Variants in GPHN observed in about 807,000 individuals in gnomAD.
The protein encoded by GPHN is gephyrin.
GPHN carries 17 observed loss-of-function variants against 95.5 expected under a neutral mutation model. That is an observed-to-expected ratio of 0.18 (90% CI 0.12 to 0.27). GPHN has a LOEUF of 0.27. GPHN is among the 10% of genes least tolerant of loss of function. GPHN has a pLI of 1.00. For missense variants in GPHN, 660 were observed against 978.1 expected (o/e 0.67, Z 4.34); for synonymous variants, 320 against 322.5 (o/e 0.99, Z 0.08).
At chr14:67,338,958 T>G in the GPHN span, among the ~76,000 whole-genome samples, 1 of 151,920 alleles carries the variant, frequency 6.6e-6, no homozygotes, top group Non-Finnish European at 1.5e-5. Context: ...TACATAATTT[T>G]AAGCTAATAA....
chr14:67,690,448 A>C, the GPHN span: 1 of 1,596,716 alleles, frequency 6.3e-7, no homozygotes, highest in Non-Finnish European at 8.6e-7. Flanking sequence ...GAATTAATGA[A>C]GTTCAGGGCC....
intron 1 of GPHN, among the ~76,000 whole-genome samples, chr14:66,678,765 T>A (rs2066765058): frequency 6.6e-6 from 1 of 152,184 alleles, no homozygotes; most frequent in African/African-American, 2.4e-5. Flanking sequence ...ATAGTGTCAT[T>A]TGGGTAGAGT....
At chr14:67,460,392 T>C in the GPHN span, among the ~76,000 whole-genome samples, 2 of 152,130 alleles carry the variant, frequency 1.3e-5, no homozygotes, top group Non-Finnish European at 2.9e-5. Context: ...TCTTGCCAGG[T>C]AAGGCTGTAA....
chr14:66,685,418 T>C (rs1276329633), intron 2 of GPHN, among the ~76,000 whole-genome samples: 1 of 152,166 alleles, frequency 6.6e-6, no homozygotes, highest in Non-Finnish European at 1.5e-5. Context: ...ACCTGTTATT[T>C]CCTGACTTTT....
At chr14:66,947,375 A>G (rs2067824106) in intron 8 of GPHN, among the ~76,000 whole-genome samples, 2 of 152,186 alleles carry the variant, frequency 1.3e-5, no homozygotes, top group Admixed American at 1.3e-4. Context: ...TTTCCTTTAT[A>G]GCACTTATAG....
Position 66,825,188 on chromosome 14 carries a change from T to C in GPHN, c.294+622T>C, listed in dbSNP as rs115783138. On this transcript the variant is annotated intron_variant, in intron 4 of 22. Coordinates refer to ENST00000478722, the MANE Select transcript of GPHN (RefSeq NM_020806.5). ...CACTATTAACTAATATGGGGGGGGA[T>C]GTATTTTTTCTTTAAGGAAGCCATA... Among the ~76,000 whole-genome samples the C allele has an allele frequency of 6.3e-3, 962 of 152,098 alleles. 12 individuals are homozygous for C. The highest frequency in any genetic ancestry group is 0.022 in the African/African-American group (910 of 41,500).
the GPHN span, chr14:67,690,521 A>G: frequency 2.1e-6 from 2 of 954,640 alleles, no homozygotes; most frequent in Non-Finnish European, 3.2e-6. Context: ...TAATTCAGAA[A>G]TAAGGTCTTT....
the GPHN span, chr14:67,223,748 C>T: frequency 3.0e-6 from 3 of 984,526 alleles, no homozygotes; most frequent in African/African-American, 5.2e-5. Flanking sequence ...TTTTTTCTTA[C>T]TTAGGCTTGT....
At chr14:67,339,927 C>G in the GPHN span, 1 of 152,176 alleles carries the variant, frequency 6.6e-6, no homozygotes, top group Non-Finnish European at 1.5e-5. Flanking sequence ...TGGTGAAACA[C>G]CATCTCTACT....
the GPHN span, chr14:67,648,684 A>G: frequency 6.6e-6 from 1 of 152,380 alleles, no homozygotes; most frequent in African/African-American, 2.4e-5. Context: ...AGGGGGATAC[A>G]GTTAGATGAG....
the GPHN span, among the ~76,000 whole-genome samples, chr14:67,281,360 TTTAA>T: frequency 6.6e-6 from 1 of 152,214 alleles, no homozygotes; most frequent in South Asian, 2.1e-4. Flanking sequence ...CTTCAGACAT[TTTAA>T]TTACAGTGAA....
the GPHN span, among the ~76,000 whole-genome samples, chr14:67,232,303 G>A: frequency 6.6e-6 from 1 of 152,252 alleles, no homozygotes; most frequent in Non-Finnish European, 1.5e-5. Context: ...TGTTCCTTAC[G>A]ACAAGAAACA....
At chr14:66,693,591 G>C (rs2067924357) in intron 2 of GPHN, among the ~76,000 whole-genome samples, 1 of 152,164 alleles carries the variant, frequency 6.6e-6, no homozygotes, top group African/African-American at 2.4e-5. Flanking sequence ...CTCCAGAAGA[G>C]AGAGGAAATA....
chr14:67,323,261 G>GTGTGTATATA, the GPHN span, among the ~76,000 whole-genome samples: 711 of 124,156 alleles, frequency 5.7e-3, 10 homozygotes, highest in African/African-American at 0.018. Context: ...GTGTGTGTGT[G>GTGTGTATATA]TATATATATA....
the GPHN span, among the ~76,000 whole-genome samples, chr14:67,527,978 A>G: frequency 4.6e-5 from 7 of 151,530 alleles, no homozygotes; most frequent in South Asian, 1.5e-3. Context: ...TGAGCCACCT[A>G]CTCCTCCACG....
At chr14:67,042,051 T>A (rs897233206) in intron 10 of GPHN, among the ~76,000 whole-genome samples, 4 of 152,090 alleles carry the variant, frequency 2.6e-5, no homozygotes, top group Non-Finnish European at 5.9e-5. Context: ...CTTTGCCCAT[T>A]TTTTGATGGG....
At chr14:67,390,626 A>T in the GPHN span, 1 of 1,442,104 alleles carries the variant, frequency 6.9e-7, no homozygotes, top group African/African-American at 1.4e-5. Flanking sequence ...GGGGCATCAC[A>T]ACATGGGACC....
rs185154556 is a variant in GPHN at position 66,708,191 on chromosome 14, A to C, written c.143+27006A>C. On this transcript the variant is annotated intron_variant, in intron 2 of 22. Coordinates refer to ENST00000478722, the MANE Select transcript of GPHN (RefSeq NM_020806.5). ...AGGCTCAAGCAATTTTGCTCATCTT[A>C]GTTTAGAGACATCTAAAAACTTCAA... Among the ~76,000 whole-genome samples the C allele has an allele frequency of 7.4e-5, 11 of 149,498 alleles. No individual in the cohort carries two copies. The South Asian group carries it at 1.1e-3, about 14-fold the overall frequency.
the GPHN span, chr14:67,684,914 A>G: frequency 8.9e-5 from 80 of 896,604 alleles, no homozygotes; most frequent in South Asian, 1.3e-3. Context: ...GACAAAAGCT[A>G]TATGAGACAA....
Sources: gnomAD v4.1 joint callset for allele counts (sites outside exome capture counted in the v4.1 genomes callset) on GRCh38, gnomAD v4.1.1 for gene constraint, MANE v1.5 for transcripts, NCBI Gene and HGNC (gene_info 2026-07-23, HGNC 2026-07-21) for gene names.